The following IL1R1 variants were observed in gnomAD, a reference collection of about 807,000 sequenced individuals.
IL1R1 encodes interleukin-1 receptor type 1.
IL1R1 carries 22 observed loss-of-function variants against 50.2 expected under a neutral mutation model. That is an observed-to-expected ratio of 0.44 (90% CI 0.31 to 0.63). IL1R1 has a LOEUF of 0.63. Ranked by LOEUF, IL1R1 falls within the 20% of genes least tolerant of loss-of-function variation. The probability of loss-of-function intolerance (pLI) is 0.07; values close to 1 mark genes in which losing one functional copy is unlikely to be tolerated. For missense variants in IL1R1, 509 were observed against 676.2 expected (o/e 0.75, Z 2.74); for synonymous variants, 251 against 236.7 (o/e 1.06, Z -0.55).
intron 1 of IL1R1, among the ~76,000 whole-genome samples, chr2:102,092,037 C>G (rs1679691255): frequency 6.6e-6 from 1 of 152,146 alleles, no homozygotes; most frequent in African/African-American, 2.4e-5. Flanking sequence ...TCTGCCATTT[C>G]CAAAGCTTCC....
intron 1 of IL1R1, among the ~76,000 whole-genome samples, chr2:102,115,931 T>C (rs1681046360): frequency 6.6e-6 from 1 of 152,158 alleles, no homozygotes; most frequent in Non-Finnish European, 1.5e-5. Flanking sequence ...TGGGCTTTGT[T>C]TGGGAGGCAG....
upstream of IL1R1, among the ~76,000 whole-genome samples, chr2:102,100,724 T>A (rs1314881212): frequency 6.6e-6 from 1 of 152,158 alleles, no homozygotes; most frequent in Non-Finnish European, 1.5e-5. Context: ...ATCTTTCCCA[T>A]TCCTTCATCT....
At chr2:102,142,666 C>G (rs1436085132), upstream of IL1R1, 1 of 151,720 alleles carries the variant, frequency 6.6e-6, no homozygotes, top group African/African-American at 2.4e-5. Context: ...GCTCGCAGCC[C>G]GCGGACTGGC....
At chr2:102,127,286 A>G (rs1681767190) in intron 1 of IL1R1, among the ~76,000 whole-genome samples, 1 of 152,230 alleles carries the variant, frequency 6.6e-6, no homozygotes, top group African/African-American at 2.4e-5. Flanking sequence ...GGAGGCAAAG[A>G]TGGCAGAGAC....
intron 3 of IL1R1, among the ~76,000 whole-genome samples, chr2:102,158,965 A>G (rs114868995): frequency 2.7e-3 from 405 of 152,330 alleles, no homozygotes; most frequent in African/African-American, 9.3e-3. Context: ...TATTTTGGGA[A>G]CAGAACCAAG....
intron 1 of IL1R1, among the ~76,000 whole-genome samples, chr2:102,093,736 A>G (rs1057047061): frequency 4.6e-5 from 7 of 152,104 alleles, no homozygotes; most frequent in Non-Finnish European, 8.8e-5. Context: ...CATATTCTGG[A>G]TGCAAGTCCA....
At chr2:102,107,351 A>T (rs920912550) in intron 1 of IL1R1, among the ~76,000 whole-genome samples, 4 of 152,156 alleles carry the variant, frequency 2.6e-5, no homozygotes, top group Admixed American at 2.6e-4. Flanking sequence ...AGGGACATGG[A>T]TGAAGCTGGA....
rs1686345489 is a variant in IL1R1 at position 102,178,708 on chromosome 2, T to C, written c.*1949T>C. On this transcript the variant is annotated 3_prime_UTR_variant, in exon 12 of 12. Coordinates refer to ENST00000410023, the MANE Select transcript of IL1R1 (RefSeq NM_000877.4). ...TTCTAAATGTTGGAATTTTCAAAAA[T>C]TGTGTTTAGATTTTATGAAAAACTC... 2 of 152,324 alleles carry C rather than the reference T, an allele frequency of 1.3e-5. No individual in the cohort carries two copies. The highest frequency in any genetic ancestry group is 1.3e-4 in the Admixed American group (2 of 15,284). The allele number at this position is 152,324 out of a possible 1,614,324, so 9.4% of individuals were successfully genotyped here.
intron 2 of IL1R1, chr2:102,156,194 T>G (rs1684176060): frequency 6.6e-6 from 1 of 152,668 alleles, no homozygotes; most frequent in South Asian, 2.1e-4. Context: ...TAGACCAGAC[T>G]GCGGGGCTTC....
intron 1 of IL1R1, among the ~76,000 whole-genome samples, chr2:102,078,869 A>C (rs1679090817): frequency 6.6e-6 from 1 of 152,186 alleles, no homozygotes; most frequent in African/African-American, 2.4e-5. Flanking sequence ...GAAATAGAGC[A>C]GCTATAAAAG....
At chr2:102,096,016 A>T (rs1679889281) in intron 1 of IL1R1, among the ~76,000 whole-genome samples, 1 of 152,106 alleles carries the variant, frequency 6.6e-6, no homozygotes, top group Non-Finnish European at 1.5e-5. Context: ...AAAAAGAAAA[A>T]ATTTTATAAA....
chr2:102,114,852 C>G (rs1680976995), intron 1 of IL1R1, among the ~76,000 whole-genome samples: 1 of 152,062 alleles, frequency 6.6e-6, no homozygotes, highest in African/African-American at 2.4e-5. Context: ...GAACTGATGT[C>G]CTGATTGTAA....
At chr2:102,164,350 G>C (rs1272558798) in intron 3 of IL1R1, among the ~76,000 whole-genome samples, 4 of 151,978 alleles carry the variant, frequency 2.6e-5, no homozygotes. Context: ...TTTCTTCTCC[G>C]TCTTTCTGGG....
chr2:102,101,532 A>G (rs888132447), upstream of IL1R1, among the ~76,000 whole-genome samples: 6 of 152,232 alleles, frequency 3.9e-5, no homozygotes, highest in African/African-American at 1.4e-4. Flanking sequence ...ACACATGCAC[A>G]CACATACTGT....
chr2:102,079,113 C>G (rs972761950), intron 1 of IL1R1, among the ~76,000 whole-genome samples: 1 of 152,072 alleles, frequency 6.6e-6, no homozygotes, highest in African/African-American at 2.4e-5. Flanking sequence ...TAGAAGAGGA[C>G]TTTCTTAACC....
intron 1 of IL1R1, among the ~76,000 whole-genome samples, chr2:102,132,318 A>G (rs1223034137): frequency 1.3e-5 from 2 of 152,022 alleles, no homozygotes; most frequent in Admixed American, 6.6e-5. Flanking sequence ...AGTAATAATG[A>G]TGTAGTGTGA....
At chr2:102,163,342 G>A (rs1030395560) in intron 3 of IL1R1, among the ~76,000 whole-genome samples, 5 of 152,062 alleles carry the variant, frequency 3.3e-5, no homozygotes, top group Non-Finnish European at 7.4e-5. Context: ...TTCTTCTTCA[G>A]TGATTCATAT....
chr2:102,162,092 C>T (rs1473842488), intron 3 of IL1R1, among the ~76,000 whole-genome samples: 1 of 151,898 alleles, frequency 6.6e-6, no homozygotes, highest in African/African-American at 2.4e-5. Context: ...CAAGCTTTAA[C>T]TAATTAATTT....
chr2:102,172,486 C>T (rs1018948515), intron 8 of IL1R1: 19 of 1,164,310 alleles, frequency 1.6e-5, no homozygotes, highest in African/African-American at 3.2e-5. Context: ...TGCTACTGAG[C>T]CTGTTACTGA....
Sources: gnomAD v4.1 joint callset for allele counts (sites outside exome capture counted in the v4.1 genomes callset) on GRCh38, gnomAD v4.1.1 for gene constraint, MANE v1.5 for transcripts, NCBI Gene and HGNC (gene_info 2026-07-23, HGNC 2026-07-21) for gene names.